The following DOCK10 variants were observed in gnomAD, a reference collection of about 807,000 sequenced individuals.
The protein encoded by DOCK10 is dedicator of cytokinesis protein 10.
In DOCK10, 145 loss-of-function variants were observed where a neutral mutation model predicts 280.1. That is an observed-to-expected ratio of 0.52 (90% confidence interval 0.45 to 0.59). The LOEUF is 0.59. DOCK10 is among the 20% of genes least tolerant of loss of function. DOCK10 has a pLI of 0.00. For synonymous variants in DOCK10, 915 were observed against 942.2 expected (o/e 0.97, Z 0.53); for missense variants, 2,368 against 2,651.7 (o/e 0.89, Z 2.35).
At chr2:224,887,829 T>G (rs1178511059) in intron 4 of DOCK10, among the ~76,000 whole-genome samples, 2 of 152,218 alleles carry the variant, frequency 1.3e-5, no homozygotes, top group Non-Finnish European at 2.9e-5. Flanking sequence ...GCAAAATCAC[T>G]AATGCAATCT....
intron 1 of DOCK10, among the ~76,000 whole-genome samples, chr2:224,969,750 A>G (rs1001398353): frequency 2.0e-5 from 3 of 152,252 alleles, no homozygotes; most frequent in African/African-American, 4.8e-5. Flanking sequence ...CCACTATGAA[A>G]GAACCAACAT....
rs892616257 is a variant in DOCK10 at position 224,957,288 on chromosome 2, C to CCCT, written c.124-25621_124-25620insAGG. On this transcript the variant is annotated intron_variant, in intron 1 of 55. Coordinates refer to ENST00000258390, the MANE Select transcript of DOCK10 (RefSeq NM_014689.3). ...TAGTATTTAGTTTTTACTTTCCGCC[C>CCCT]CCCCCCGGCTTTGTTTTTCGGAGAT... is the stretch of plus-strand genomic sequence containing the variant. Among the ~76,000 whole-genome samples, 32 of 145,816 alleles carry CCCT rather than the reference C, an allele frequency of 2.2e-4. 1 individual carries two copies. The highest frequency in any genetic ancestry group is 8.4e-4 in the African/African-American group (32 of 38,184).
intron 18 of DOCK10, 48 bp from the exon 19 acceptor site, chr2:224,849,647 CCCTGGGTG>C: frequency 7.4e-7 from 1 of 1,353,406 alleles, no homozygotes; most frequent in South Asian, 1.3e-5. Context: ...CTGAAATTAT[CCCTGGGTG>C]AAAAAAAAGT....
chr2:224,832,553 T>C (rs183055756), intron 26 of DOCK10, among the ~76,000 whole-genome samples: 13 of 152,352 alleles, frequency 8.5e-5, no homozygotes, highest in Non-Finnish European at 1.8e-4. Context: ...TATGGCTTAA[T>C]GAAGTGGTCA....
Position 224,794,930 on chromosome 2 carries a change from G to T in DOCK10, c.5103C>A (p.Thr1701=). The T allele has an allele frequency of 1.2e-6, 2 of 1,613,912 alleles. No homozygotes were observed. Among genetic ancestry groups the T allele is most frequent in the Non-Finnish European group, 1.7e-6 (2 of 1,179,856 alleles). Residue 1701 remains threonine (T), a synonymous_variant, in exon 45 of 56, where the codon ACC becomes ACA. Transcript: ENST00000258390. ...GAATCTTGGCCATACTTTCCAGCCA[G>T]GTCCTGCGTAGTTCAGGAGTGCTTG... is the stretch of plus-strand genomic sequence containing the variant. ...SYASTPELRR[T]WLESMAKIHA...
chr2:224,940,964 T>C (rs1269428513), intron 1 of DOCK10, among the ~76,000 whole-genome samples: 2 of 152,228 alleles, frequency 1.3e-5, no homozygotes, highest in Admixed American at 6.5e-5. Flanking sequence ...TTATTTATTA[T>C]AGTAAAACTA....
intron 1 of DOCK10, 45 bp from the exon 2 acceptor site, chr2:224,931,713 C>T: frequency 6.5e-7 from 1 of 1,529,904 alleles, no homozygotes; most frequent in East Asian, 2.4e-5. Flanking sequence ...CATACACCAT[C>T]TCCCTTTTCT....
In DOCK10 at chr2:224,844,737, A is replaced by G. The variant is rs777878448; in HGVS notation, c.2568+16T>C. ...GAGTTAGAGAAGATGCTAGTATTTC[A>G]GGTCAACATACTCACCTGAGTATTT... On this transcript the variant is annotated intron_variant, in intron 22 of 55. Transcript: ENST00000258390. The G allele has an allele frequency of 6.5e-5, 98 of 1,519,078 alleles. 2 individuals carry two copies. Among genetic ancestry groups the G allele is most frequent in the Non-Finnish European group, 8.0e-5 (89 of 1,107,598 alleles). The allele number at this position is 1,519,078 out of a possible 1,614,324, so 94.1% of individuals were successfully genotyped here.
At chr2:224,888,138 A>G (rs1225434133) in intron 4 of DOCK10, among the ~76,000 whole-genome samples, 1 of 152,120 alleles carries the variant, frequency 6.6e-6, no homozygotes, top group Non-Finnish European at 1.5e-5. Context: ...CATTATTCAT[A>G]CTAGCCAATA....
chr2:224,784,397 A>C (rs2125061409), intron 50 of DOCK10, among the ~76,000 whole-genome samples: 1 of 152,362 alleles, frequency 6.6e-6, no homozygotes, highest in Middle Eastern at 3.4e-3. Context: ...GACGATCTAC[A>C]ATACCAAGTC....
rs1692892971 is a variant in DOCK10 at position 224,800,279 on chromosome 2, T to C, written c.4394-16A>G. The C allele has an allele frequency of 6.6e-7, 1 of 1,521,084 alleles. No homozygotes were observed. The highest frequency in any genetic ancestry group is 9.1e-7 in the Non-Finnish European group (1 of 1,100,674). 94.2% of individuals were successfully genotyped at this position (1,521,084 alleles called of 1,614,324 possible). On this transcript the variant is annotated splice_polypyrimidine_tract_variant and intron_variant, in intron 40 of 55. Transcript: ENST00000258390. Reference sequence around the variant, plus strand: ...TTGGAGTTGCCTATAAAATACAAAATAAAACATGCGTAAAAGTCTAAGACA... The same window carrying C: ...TTGGAGTTGCCTATAAAATACAAAACAAAACATGCGTAAAAGTCTAAGACA...
At chr2:225,009,653 A>AAAAG (rs1559954778) in intron 1 of DOCK10, among the ~76,000 whole-genome samples, 3 of 145,468 alleles carry the variant, frequency 2.1e-5, no homozygotes, top group Non-Finnish European at 4.5e-5. Context: ...AAAAAAAAAG[A>AAAAG]AAGAAAAAAG....
intron 1 of DOCK10, among the ~76,000 whole-genome samples, chr2:225,018,145 A>G (rs1413642849): frequency 2.6e-5 from 4 of 152,352 alleles, no homozygotes; most frequent in Middle Eastern, 6.8e-3. Context: ...ATACATTTTT[A>G]TAGTACAGTA....
intron 4 of DOCK10, among the ~76,000 whole-genome samples, chr2:224,891,193 C>T (rs1382368796): frequency 2.0e-5 from 3 of 152,136 alleles, no homozygotes; most frequent in Non-Finnish European, 4.4e-5. Flanking sequence ...ATTCATTGTA[C>T]ACCAATCTTT....
At chr2:224,979,901 C>CCCAAGG in intron 1 of DOCK10, among the ~76,000 whole-genome samples, 1 of 151,718 alleles carries the variant, frequency 6.6e-6, no homozygotes, top group South Asian at 2.1e-4. Flanking sequence ...GGTCACACAG[C>CCCAAGG]TGATAAGTGA....
At chr2:224,826,949 G>A (rs1004057907) in intron 27 of DOCK10, among the ~76,000 whole-genome samples, 1 of 150,204 alleles carries the variant, frequency 6.7e-6, no homozygotes, top group African/African-American at 2.5e-5. Context: ...GGCAACAGGA[G>A]TGAGACCGTG....
rs921328094 is a variant in DOCK10, at chr2:224,983,507, A to AG, written c.124-51840dup. The AG allele has an allele frequency of 3.4e-4, 47 of 138,732 alleles. No homozygotes were observed. The African/African-American group carries it at 3.7e-3, about 11-fold the overall frequency. 8.6% of individuals were successfully genotyped at this position (138,732 alleles called of 1,614,324 possible). ...TCCAGTGTAACTCTTGGAGATTCAA[A>AG]GAAAAAAAAATGTTTTCTGTGGTTT... On this transcript the variant is annotated intron_variant, in intron 1 of 55. Coordinates refer to ENST00000258390, the MANE Select transcript of DOCK10 (RefSeq NM_014689.3).
chr2:225,023,204 T>G (rs1341198870), intron 1 of DOCK10, among the ~76,000 whole-genome samples: 3 of 152,036 alleles, frequency 2.0e-5, no homozygotes, highest in Non-Finnish European at 4.4e-5. Flanking sequence ...CCTGGCTGAT[T>G]TTTGTGTTTT....
intron 1 of DOCK10, among the ~76,000 whole-genome samples, chr2:225,004,545 AAGTT>A (rs1266731359): frequency 6.6e-6 from 1 of 151,704 alleles, no homozygotes; most frequent in Non-Finnish European, 1.5e-5. Flanking sequence ...CCTTATTTTG[AAGTT>A]GAGAAACTGG....
Sources: gnomAD v4.1 joint callset for allele counts (sites outside exome capture counted in the v4.1 genomes callset) on GRCh38, gnomAD v4.1.1 for gene constraint, MANE v1.5 for transcripts, NCBI Gene and HGNC (gene_info 2026-07-23, HGNC 2026-07-21) for gene names.